The following TRPC4AP variants were observed in gnomAD, a reference collection of about 807,000 sequenced individuals.
The protein encoded by TRPC4AP is transient receptor potential cation channel subfamily C member 4 associated protein, also known as short transient receptor potential channel 4-associated protein.
A neutral mutation model predicts 99.0 loss-of-function variants in TRPC4AP; 45 were observed. That is an observed-to-expected ratio of 0.45 (90% CI 0.36 to 0.58). The LOEUF (loss-of-function observed/expected upper bound fraction) is 0.58, where lower values mean the gene tolerates loss of function less well. Among genes scored for constraint, TRPC4AP ranks in the 20% least tolerant of loss-of-function variants. The pLI, the probability that TRPC4AP is intolerant of heterozygous loss-of-function variation, is 0.00. For missense variants in TRPC4AP, 879 were observed against 985.3 expected (o/e 0.89, Z 1.44); for synonymous variants, 408 against 385.8 (o/e 1.06, Z -0.67).
chr20:35,021,053 A>G (rs1187762697), intron 9 of TRPC4AP, 137 bp downstream of exon 9: 1 of 918,362 alleles, frequency 1.1e-6, no homozygotes, highest in Non-Finnish European at 1.6e-6. Context: ...GGTAGAACAG[A>G]AGGAGAAATA....
intron 4 of TRPC4AP, among the ~76,000 whole-genome samples, chr20:35,057,030 G>GT (rs2083848388): frequency 1.3e-5 from 2 of 148,324 alleles, no homozygotes; most frequent in East Asian, 4.0e-4. Context: ...TTTGTAACGT[G>GT]TAAGTTATAA....
intron 1 of TRPC4AP, among the ~76,000 whole-genome samples, chr20:35,088,295 C>T (rs541737100): frequency 3.5e-4 from 53 of 152,302 alleles, no homozygotes; most frequent in African/African-American, 1.2e-3. Context: ...AATAACTTGC[C>T]TAAAGACACA....
chr20:35,053,813 TCAC>T (rs1188685686), intron 5 of TRPC4AP, among the ~76,000 whole-genome samples: 1 of 152,206 alleles, frequency 6.6e-6, no homozygotes, highest in Non-Finnish European at 1.5e-5. Context: ...AAAATTAACT[TCAC>T]CACTTCTTCC....
chr20:35,016,213 C>T (rs2082750755), intron 9 of TRPC4AP, 74 bp from the exon 10 acceptor site: 2 of 1,554,854 alleles, frequency 1.3e-6, no homozygotes, highest in Non-Finnish European at 1.8e-6. Flanking sequence ...GTGCTCAGTA[C>T]ACACGATAAT....
chr20:35,041,211 C>T lies in TRPC4AP; in HGVS notation c.865+3294G>A, dbSNP rs539030921. ...CAGCTCAAGCTGACTGATACACACA[C>T]CTGAGATAAAGGCATTCACTACTGG... On this transcript the variant is annotated intron_variant, in intron 7 of 18. Coordinates refer to ENST00000252015, the MANE Select transcript of TRPC4AP (RefSeq NM_015638.3). Among the ~76,000 whole-genome samples the T allele has an allele frequency of 4.4e-5, 5 of 112,940 alleles. No individual in the cohort carries two copies. In the South Asian group the frequency reaches 1.6e-3, roughly 36 times the overall value. The allele number at this position is 112,940 out of a possible 152,430, so 74.1% of individuals were successfully genotyped here. A position where few individuals can be genotyped will look rare whatever the true frequency, so the allele number is the denominator to read the frequency against.
chr20:35,073,083 T>TA (rs1469193049), intron 2 of TRPC4AP, among the ~76,000 whole-genome samples: 1 of 152,210 alleles, frequency 6.6e-6, no homozygotes. Flanking sequence ...GGCTGTCTGT[T>TA]ATTGGTGTAT....
At chr20:35,032,237 C>A (rs1034062140) in intron 8 of TRPC4AP, among the ~76,000 whole-genome samples, 3 of 151,996 alleles carry the variant, frequency 2.0e-5, no homozygotes, top group Non-Finnish European at 4.4e-5. Context: ...GTTGGCCTGG[C>A]CAATCTTGAA....
rs750404526 is a variant in TRPC4AP at position 35,049,916 on chromosome 20, T to C, written c.607A>G (p.Thr203Ala). The change falls in exon 6 of 19, where the codon ACA becomes GCA. Residue 203 changes from threonine (T) to alanine (A), a missense_variant. By Grantham distance (58) the Thr-to-Ala change is moderately conservative. Coordinates refer to ENST00000252015, the MANE Select transcript of TRPC4AP (RefSeq NM_015638.3). ...ATGAGGGTTGCTGTTTGTAAGAATG[T>C]CTTCTTACTTGTCATCAATGTAAAC... ...FLFTLMTSKK[T>A]FLQTATLIED... 1.2e-6 allele frequency: 2 copies of C among 1,614,026 alleles called. No homozygotes were observed. Among genetic ancestry groups the C allele is most frequent in the Non-Finnish European group, 1.7e-6 (2 of 1,179,906 alleles).
intron 14 of TRPC4AP, among the ~76,000 whole-genome samples, chr20:35,007,319 T>C (rs2082535891): frequency 6.6e-6 from 1 of 152,230 alleles, no homozygotes; most frequent in Non-Finnish European, 1.5e-5. Flanking sequence ...GTAACCAAAC[T>C]GTCACCCTCC....
intron 16 of TRPC4AP, among the ~76,000 whole-genome samples, chr20:35,004,878 T>C (rs767948059): frequency 2.0e-4 from 31 of 151,758 alleles, no homozygotes; most frequent in Non-Finnish European, 4.3e-4. Context: ...CACAGAAGAG[T>C]TCCCTCCACA....
At chr20:35,066,129 G>C (rs1176979067) in intron 3 of TRPC4AP, among the ~76,000 whole-genome samples, 1 of 151,802 alleles carries the variant, frequency 6.6e-6, no homozygotes, top group Non-Finnish European at 1.5e-5. Flanking sequence ...TTTTGAGATG[G>C]GGTCTTGCTC....
At chr20:35,028,634 C>T (rs900176672) in intron 8 of TRPC4AP, among the ~76,000 whole-genome samples, 3 of 152,070 alleles carry the variant, frequency 2.0e-5, no homozygotes, top group Non-Finnish European at 2.9e-5. Context: ...TTGAGAAGAA[C>T]GTGCATTCTG....
At chr20:35,080,494 T>C (rs6579216) in intron 1 of TRPC4AP, among the ~76,000 whole-genome samples, 20,369 of 147,824 alleles carry the variant, frequency 0.14, 1,761 homozygotes, top group African/African-American at 0.25. Flanking sequence ...AAGCCAGACC[T>C]TGTCTCAAAA....
At chr20:35,060,468 G>A (rs1036092113) in intron 3 of TRPC4AP, among the ~76,000 whole-genome samples, 3 of 151,562 alleles carry the variant, frequency 2.0e-5, no homozygotes, top group Admixed American at 1.3e-4. Flanking sequence ...GCATGCTCCT[G>A]TAGTCCCAGC....
chr20:35,005,906 C>T, intron 15 of TRPC4AP, 103 bp from the exon 16 acceptor site: 3 of 951,342 alleles, frequency 3.2e-6, no homozygotes, highest in South Asian at 1.5e-5. Flanking sequence ...CCTCTACCAG[C>T]CCCACTGCTT....
At position 35,024,888 on chromosome 20, in the gene TRPC4AP, T is replaced by G. The variant is rs138933534; in HGVS notation, c.1052-3532A>C. Among the ~76,000 whole-genome samples, 540 of 146,362 alleles carry G rather than the reference T, an allele frequency of 3.7e-3. 8 individuals are homozygous for G. Among genetic ancestry groups the G allele is most frequent in the African/African-American group, 0.013 (507 of 39,616 alleles). ...TATTCATTAATCAGGTGACAGTCAT[T>G]TGCGTTGTTTCCATATTTTGGCTGT... On this transcript the variant is annotated intron_variant, in intron 8 of 18. Coordinates refer to ENST00000252015, the MANE Select transcript of TRPC4AP (RefSeq NM_015638.3).
Position 35,032,673 on chromosome 20 carries a change from C to T in TRPC4AP, c.1051+2450G>A, listed in dbSNP as rs185495317. 4.3e-4 allele frequency among the ~76,000 whole-genome samples: 65 copies of T among 150,366 alleles called. 1 individual carries two copies. The highest frequency in any genetic ancestry group is 3.4e-3 in the Admixed American group (51 of 15,130). On this transcript the variant is annotated intron_variant, in intron 8 of 18. Transcript: ENST00000252015. ...ATTTTTAGTAGAGACGGGGTTTCAC[C>T]GTCTTAGCCAGGATAGTCTCGATCT...
intron 12 of TRPC4AP, among the ~76,000 whole-genome samples, chr20:35,009,475 C>G (rs1396683841): frequency 7.9e-6 from 1 of 126,476 alleles, no homozygotes; most frequent in Non-Finnish European, 1.8e-5. Flanking sequence ...GACCCCATCT[C>G]TACAAAAAAA....
chr20:35,018,869 C>T (rs1250921121), intron 9 of TRPC4AP, among the ~76,000 whole-genome samples: 1 of 152,102 alleles, frequency 6.6e-6, no homozygotes, highest in Non-Finnish European at 1.5e-5. Flanking sequence ...GGGCAACATT[C>T]TTTGAACCCA....
Sources: gnomAD v4.1 joint callset for allele counts (sites outside exome capture counted in the v4.1 genomes callset) on GRCh38, gnomAD v4.1.1 for gene constraint, MANE v1.5 for transcripts, NCBI Gene and HGNC (gene_info 2026-07-23, HGNC 2026-07-21) for gene names.